Variants in CS observed in about 807,000 individuals in gnomAD.
CS encodes the protein citrate synthase.
In CS, 13 loss-of-function variants were observed where a neutral mutation model predicts 61.4. That is an observed-to-expected ratio of 0.21 (90% CI 0.14 to 0.34). CS has a LOEUF of 0.34. Ranked by LOEUF, CS falls within the 10% of genes least tolerant of loss-of-function variation. The probability of loss-of-function intolerance (pLI) is 1.00; values close to 1 mark genes in which losing one functional copy is unlikely to be tolerated. For synonymous variants in CS, 159 were observed against 215.2 expected (o/e 0.74, Z 2.29); for missense variants, 278 against 573.4 (o/e 0.48, Z 5.26).
intron 3 of CS, among the ~76,000 whole-genome samples, chr12:56,284,212 G>C (rs921699541): frequency 6.6e-6 from 1 of 150,802 alleles, no homozygotes; most frequent in African/African-American, 2.4e-5. Flanking sequence ...CCAGCTACTT[G>C]GGAGGCTGAG....
At chr12:56,286,071 G>A (rs1377154706) in intron 2 of CS, 48 bp from the exon 3 acceptor site, 2 of 1,509,480 alleles carry the variant, frequency 1.3e-6, no homozygotes, top group Non-Finnish European at 1.8e-6. Context: ...AAGTTTATTA[G>A]ATTTCCTGCA....
chr12:56,275,933 C>G lies in CS; in HGVS notation c.788+63G>C. 2.1e-6 allele frequency: 3 copies of G among 1,435,756 alleles called. No individual in the cohort carries two copies. The South Asian group carries it at 3.5e-5, about 17-fold the overall frequency. The allele number at this position is 1,435,756 out of a possible 1,614,324, so 88.9% of individuals were successfully genotyped here. A position where few individuals can be genotyped will look rare whatever the true frequency, so the allele number is the denominator to read the frequency against. The stretch of plus-strand genomic sequence containing the variant: ...CTCAGAAGATGAGAACATAAAGGAG[C>G]TTTTAAAAAAATTTCCCACCAATTG... On this transcript the variant is annotated intron_variant, in intron 7 of 10. Coordinates refer to ENST00000351328, the MANE Select transcript of CS (RefSeq NM_004077.3).
At chr12:56,295,979 A>G (rs1173783963) in intron 1 of CS, among the ~76,000 whole-genome samples, 1 of 150,876 alleles carries the variant, frequency 6.6e-6, no homozygotes, top group African/African-American at 2.4e-5. Context: ...AAAAAAAAAA[A>G]AAGAAGTTCT....
chr12:56,275,199 C>A, intron 7 of CS, 68 bp from the exon 8 acceptor site: 1 of 1,595,352 alleles, frequency 6.3e-7, no homozygotes, highest in Non-Finnish European at 8.6e-7. Context: ...CTTTGCTGTT[C>A]TCTTATTTGC....
intron 1 of CS, chr12:56,299,867 C>T: frequency 2.8e-6 from 1 of 362,316 alleles, no homozygotes; most frequent in Non-Finnish European, 5.1e-6. Flanking sequence ...TTCAGGGCCA[C>T]GCATCCCTTC....
chr12:56,280,440 A>AAAAAAAAAACAC (rs1555162652), intron 6 of CS, among the ~76,000 whole-genome samples: 1 of 119,848 alleles, frequency 8.3e-6, no homozygotes, highest in Non-Finnish European at 1.7e-5. Context: ...AAAAAAAACA[A>AAAAAAAAAACAC]AAAAATTAGC....
intron 2 of CS, 160 bp downstream of exon 2, chr12:56,286,433 TAG>T (rs1488385448): frequency 3.6e-5 from 21 of 589,580 alleles, no homozygotes; most frequent in East Asian, 1.4e-4. Context: ...ATTTGTTAAA[TAG>T]TAATATAATA....
In CS at chr12:56,274,148, C is replaced by A. The variant is rs1872574566; in HGVS notation, c.1021-352G>T. ...GACCAACTGACCAACTCGGAGAAAC[C>A]CCGTCTCTACTAAAAATACAAAATT... On this transcript the variant is annotated intron_variant, in intron 9 of 10. Coordinates refer to ENST00000351328, the MANE Select transcript of CS (RefSeq NM_004077.3). 10 of 266,962 alleles carry A rather than the reference C, an allele frequency of 3.7e-5. No individual in the cohort carries two copies. In the South Asian group the frequency reaches 4.4e-4, roughly 12 times the overall value. 16.5% of individuals were successfully genotyped at this position (266,962 alleles called of 1,614,324 possible). A position where few individuals can be genotyped will look rare whatever the true frequency, so the allele number is the denominator to read the frequency against.
At chr12:56,286,126 T>C (rs1258092869) in intron 2 of CS, 103 bp from the exon 3 acceptor site, 1 of 882,368 alleles carries the variant, frequency 1.1e-6, no homozygotes, top group African/African-American at 1.6e-5. Flanking sequence ...TGGCTTTATC[T>C]GCCAGGGAAG....
At chr12:56,273,937 A>C in intron 9 of CS, 141 bp from the exon 10 acceptor site, 1 of 686,644 alleles carries the variant, frequency 1.5e-6, no homozygotes, top group South Asian at 1.7e-5. Context: ...AGGCTCAGGC[A>C]ATTCTCCCAC....
At chr12:56,277,351 T>C (rs1280597111) in intron 6 of CS, among the ~76,000 whole-genome samples, 1 of 135,872 alleles carries the variant, frequency 7.4e-6, no homozygotes. Context: ...TACAAAAAAT[T>C]AGCCAGGCGT....
chr12:56,295,569 A>C (rs895026618), intron 1 of CS, among the ~76,000 whole-genome samples: 3 of 152,080 alleles, frequency 2.0e-5, no homozygotes, highest in African/African-American at 7.2e-5. Flanking sequence ...GTGTACACTA[A>C]GTATATACTA....
chr12:56,286,505 A>G, intron 2 of CS, 90 bp downstream of exon 2: 1 of 1,013,900 alleles, frequency 9.9e-7, no homozygotes. Context: ...ACTCAGGATA[A>G]TAAGAGGCCA....
chr12:56,280,198 G>A lies in CS; in HGVS notation c.588+2222C>T, dbSNP rs1458862753. Among the ~76,000 whole-genome samples, 17 of 151,968 alleles carry A rather than the reference G, an allele frequency of 1.1e-4. No individual in the cohort carries two copies. In the East Asian group the frequency reaches 2.1e-3, roughly 19 times the overall value. On this transcript the variant is annotated intron_variant, in intron 6 of 10. Transcript: ENST00000351328. The stretch of plus-strand genomic sequence containing the variant: ...TGGGAGGCCGAGGTGGGCAGATCAC[G>A]AGGTCAGAGGTTCGAGACCAGCCTG...
chr12:56,274,825 T>C lies in CS; in HGVS notation c.972A>G (p.Ser324=), dbSNP rs139897823. The change falls in exon 9 of 11, where the codon TCA becomes TCG. Residue 324 remains serine, a synonymous_variant. Coordinates refer to ENST00000351328, the MANE Select transcript of CS (RefSeq NM_004077.3). ...QLQKEVGKDV[S]DEKLRDYIWN... is the part of the protein sequence containing the mutation. ...AGATGTAGTCTCGTAACTTCTCATC[T>C]GACACATCTTTGCCAACTTCCTTCT... 8.7e-6 allele frequency: 14 copies of C among 1,611,912 alleles called. No individual in the cohort carries two copies. In the African/African-American group the frequency reaches 1.7e-4, roughly 20 times the overall value.
intron 1 of CS, among the ~76,000 whole-genome samples, chr12:56,292,807 G>A (rs896730403): frequency 1.3e-5 from 2 of 151,762 alleles, no homozygotes; most frequent in African/African-American, 4.8e-5. Flanking sequence ...AGGAGGCTGA[G>A]GCAGGAGAAT....
chr12:56,294,691 C>T (rs1249689259), intron 1 of CS, among the ~76,000 whole-genome samples: 6 of 151,592 alleles, frequency 4.0e-5, no homozygotes, highest in African/African-American at 7.3e-5. Context: ...CTCAGCCTCC[C>T]GAGTAGCTGG....
rs1872796976 is a variant in CS, at chr12:56,282,218, TC to T, written c.588+201del. The T allele has an allele frequency of 1.7e-5, 8 of 471,046 alleles. No individual in the cohort carries two copies. In the South Asian group the frequency reaches 3.0e-4, roughly 18 times the overall value. 29.2% of individuals were successfully genotyped at this position (471,046 alleles called of 1,614,324 possible). On this transcript the variant is annotated intron_variant, in intron 6 of 10. Transcript: ENST00000351328. ...TGTGTCAGCCTAACCAAACAAACAGTCCTGGTGATAGAAACCATGCTCTACT... is the reference window on the plus strand; with the variant it reads ...TGTGTCAGCCTAACCAAACAAACAGTCTGGTGATAGAAACCATGCTCTACT...
Position 56,275,018 on chromosome 12 carries a change from T to C in CS, c.902A>G (p.His301Arg). Residue 301 changes from histidine (H) to arginine (R), a missense_variant, in exon 8 of 11, where the codon CAT becomes CGT. Coordinates refer to ENST00000351328, the MANE Select transcript of CS (RefSeq NM_004077.3). ...TAGTCTTACCTGATTTGCCAGTCCA[T>C]GGAGAGGCCCTGCCAGCCCGTTCAT... ...AAMNGLAGPL[H>R]GLANQEVLVW... 1 of 1,614,176 alleles carries C rather than the reference T, an allele frequency of 6.2e-7. No individual in the cohort carries two copies. Among genetic ancestry groups the C allele is most frequent in the Non-Finnish European group, 8.5e-7 (1 of 1,180,032 alleles).
Sources: allele counts gnomAD v4.1 joint callset (sites outside exome capture counted in the v4.1 genomes callset), GRCh38; gene constraint gnomAD v4.1.1; transcripts MANE v1.5; gene names NCBI Gene and HGNC (gene_info 2026-07-23, HGNC 2026-07-21).